Variants in DAB1 observed in about 807,000 individuals in gnomAD.
DAB1 encodes disabled homolog 1.
Under a neutral mutation model 64.6 loss-of-function variants are expected in DAB1, and 15 were observed. That is an observed-to-expected ratio of 0.23 (90% CI 0.16 to 0.36). The LOEUF (loss-of-function observed/expected upper bound fraction) is 0.36, where lower values mean the gene tolerates loss of function less well. DAB1 is among the 10% of genes least tolerant of loss of function. The probability of loss-of-function intolerance (pLI) is 1.00; values close to 1 mark genes in which losing one functional copy is unlikely to be tolerated. For missense variants in DAB1, 596 were observed against 706.7 expected (o/e 0.84, Z 1.78); for synonymous variants, 235 against 251.9 (o/e 0.93, Z 0.64).
intron 3 of DAB1, among the ~76,000 whole-genome samples, chr1:58,374,120 G>T (rs9659571): frequency 1.2e-5 from 1 of 80,730 alleles, no homozygotes; most frequent in South Asian, 4.7e-4. Context: ...TTTCTCCCGT[G>T]TTGTAGGTTG....
chr1:57,837,213 A>G (rs1452519164), intron 1 of DAB1, among the ~76,000 whole-genome samples: 2 of 152,228 alleles, frequency 1.3e-5, no homozygotes, highest in Non-Finnish European at 2.9e-5. Flanking sequence ...TTTTTAAAAA[A>G]CAAATCTGAT....
chr1:57,618,245 T>G (rs990097322), intron 7 of DAB1, among the ~76,000 whole-genome samples: 1 of 152,110 alleles, frequency 6.6e-6, no homozygotes, highest in African/African-American at 2.4e-5. Flanking sequence ...TGAAACCCCA[T>G]CTCTACTAAA....
chr1:57,939,501 A>G (rs772188518), intron 5 of DAB1, among the ~76,000 whole-genome samples: 1 of 152,200 alleles, frequency 6.6e-6, no homozygotes, highest in Non-Finnish European at 1.5e-5. Flanking sequence ...ATTCTTTCAG[A>G]AACAAATTTC....
intron 5 of DAB1, among the ~76,000 whole-genome samples, chr1:57,962,675 C>T (rs12239474): frequency 0.39 from 58,482 of 151,634 alleles, 12,793 homozygotes; most frequent in Admixed American, 0.51. Context: ...AGTTCAAGAC[C>T]GGCCTGGATA....
At chr1:57,609,486 C>A (rs775703956) in intron 7 of DAB1, among the ~76,000 whole-genome samples, 2 of 152,080 alleles carry the variant, frequency 1.3e-5, no homozygotes, top group Non-Finnish European at 2.9e-5. Flanking sequence ...GGGGGATCCT[C>A]GAGACGAATT....
At chr1:57,071,125 G>A in intron 6 of DAB1, 64 bp from the exon 7 acceptor site, 5 of 1,444,688 alleles carry the variant, frequency 3.5e-6, no homozygotes, top group South Asian at 1.2e-5. Context: ...ATGTGAGACT[G>A]CATTCAGAAA....
intron 11 of DAB1, among the ~76,000 whole-genome samples, chr1:57,016,415 C>T (rs1469874989): frequency 6.6e-6 from 1 of 152,092 alleles, no homozygotes; most frequent in Admixed American, 6.6e-5. Context: ...GACCTCTTCT[C>T]TACCAAAAAT....
chr1:57,878,289 A>G (rs1644085788), intron 1 of DAB1: 5 of 152,140 alleles, frequency 3.3e-5, no homozygotes, highest in Admixed American at 2.6e-4. Flanking sequence ...TGTTATTTCT[A>G]TTTTTAGGAT....
At chr1:57,953,952 C>T (rs1251670325) in intron 5 of DAB1, among the ~76,000 whole-genome samples, 2 of 152,130 alleles carry the variant, frequency 1.3e-5, no homozygotes, top group Admixed American at 1.3e-4. Context: ...TATTTCACCA[C>T]CAACTCCCTT....
chr1:57,038,303 G>T (rs556671060), intron 9 of DAB1, among the ~76,000 whole-genome samples: 1 of 152,102 alleles, frequency 6.6e-6, no homozygotes, highest in African/African-American at 2.4e-5. Context: ...GCTATAAGAG[G>T]TTTTTTTTCA....
chr1:57,934,757 C>A (rs909249138), intron 5 of DAB1, among the ~76,000 whole-genome samples: 5 of 152,170 alleles, frequency 3.3e-5, no homozygotes, highest in African/African-American at 1.2e-4. Flanking sequence ...TACTTCCTCA[C>A]CGCGCAGTAG....
intron 9 of DAB1, among the ~76,000 whole-genome samples, chr1:57,032,368 C>T (rs1646990402): frequency 6.6e-6 from 1 of 152,072 alleles, no homozygotes; most frequent in South Asian, 2.1e-4. Flanking sequence ...GAAACACAGA[C>T]CCAGAGACAC....
intron 1 of DAB1, among the ~76,000 whole-genome samples, chr1:58,542,093 A>C (rs945840039): frequency 3.9e-5 from 6 of 152,258 alleles, no homozygotes; most frequent in African/African-American, 1.4e-4. Flanking sequence ...TAATTCATAC[A>C]TCCTGCCCTT....
In DAB1 at chr1:57,258,321, G is replaced by A. The variant is rs574222649; in HGVS notation, c.67+32643C>T. ...AGTAAGAAGGAGGCAGCTGAGATAT[G>A]AACCCAGTAATTCCTGACTTTCAAG... is the stretch of plus-strand genomic sequence containing the variant. On this transcript the variant is annotated intron_variant, in intron 2 of 14. Coordinates refer to ENST00000371236, the MANE Select transcript of DAB1 (RefSeq NM_001365792.1). 3.9e-5 allele frequency among the ~76,000 whole-genome samples: 6 copies of A among 152,234 alleles called. 1 individual carries two copies. Among genetic ancestry groups the A allele is most frequent in the African/African-American group, 1.4e-4 (6 of 41,550 alleles).
intron 5 of DAB1, among the ~76,000 whole-genome samples, chr1:57,978,277 C>G (rs920363033): frequency 1.3e-5 from 2 of 152,170 alleles, no homozygotes; most frequent in Admixed American, 6.5e-5. Context: ...CTACAACAAT[C>G]TGATCTTTGA....
chr1:58,324,808 T>A (rs1662783336), intron 4 of DAB1, among the ~76,000 whole-genome samples: 1 of 152,178 alleles, frequency 6.6e-6, no homozygotes, highest in African/African-American at 2.4e-5. Context: ...TGTTTCAACC[T>A]GAGTCTCATC....
At chr1:58,094,803 C>G (rs181831181) in intron 5 of DAB1, among the ~76,000 whole-genome samples, 3 of 152,212 alleles carry the variant, frequency 2.0e-5, no homozygotes, top group Non-Finnish European at 1.5e-5. Flanking sequence ...TCTAAAGAAC[C>G]CTATGGTGGC....
intron 4 of DAB1, among the ~76,000 whole-genome samples, chr1:58,245,198 CCCCCGCCGCCTCAGAG>C (rs1485201497): frequency 1.3e-5 from 2 of 152,126 alleles, no homozygotes; most frequent in Non-Finnish European, 2.9e-5. Flanking sequence ...GTCAGCAAAC[CCCCCGCCGCCTCAGAG>C]CAGCTTCTGT....
intron 1 of DAB1, among the ~76,000 whole-genome samples, chr1:58,528,867 T>C (rs891723328): frequency 6.6e-5 from 10 of 152,212 alleles, no homozygotes; most frequent in African/African-American, 2.2e-4. Context: ...GAAAAAATAA[T>C]TCAAATAGAA....
Sources: gnomAD v4.1 joint callset for allele counts (sites outside exome capture counted in the v4.1 genomes callset) on GRCh38, gnomAD v4.1.1 for gene constraint, MANE v1.5 for transcripts, NCBI Gene and HGNC (gene_info 2026-07-23, HGNC 2026-07-21) for gene names.